Variants in NAALADL2 observed in about 807,000 individuals in gnomAD.
The protein encoded by NAALADL2 is inactive N-acetylated-alpha-linked acidic dipeptidase-like protein 2.
Under a neutral mutation model 87.2 loss-of-function variants are expected in NAALADL2, and 76 were observed. The ratio of observed to expected loss-of-function variants is 0.87; its 90% CI spans 0.72 to 1.05. The LOEUF (loss-of-function observed/expected upper bound fraction) is 1.05. NAALADL2 is among the 50% of genes least tolerant of loss of function. NAALADL2 has a pLI of 0.00. For synonymous variants in NAALADL2, 354 were observed against 331.0 expected, an observed-to-expected ratio of 1.07 and a Z score of -0.75; for missense variants, 1,089 against 945.8, an observed-to-expected ratio of 1.15 and a Z score of -1.99.
At chr3:175,273,737 T>A (rs980841794) in intron 4 of NAALADL2, among the ~76,000 whole-genome samples, 16 of 151,934 alleles carry the variant, frequency 1.1e-4, no homozygotes, top group African/African-American at 3.4e-4. Flanking sequence ...TGTGTGCGTG[T>A]GTGTGTGTGT....
intron 1 of NAALADL2, among the ~76,000 whole-genome samples, chr3:174,445,868 C>G (rs1440962204): frequency 6.6e-6 from 1 of 152,106 alleles, no homozygotes; most frequent in African/African-American, 2.4e-5. Context: ...CTGATCTGCT[C>G]TGACCTGCAT....
At chr3:174,670,345 T>C (rs1726416263) in intron 2 of NAALADL2, among the ~76,000 whole-genome samples, 1 of 152,132 alleles carries the variant, frequency 6.6e-6, no homozygotes, top group African/African-American at 2.4e-5. Context: ...TAATTACCTT[T>C]TTAGCTACAT....
chr3:175,606,545 G>A (rs1723766754), intron 10 of NAALADL2, among the ~76,000 whole-genome samples: 1 of 152,086 alleles, frequency 6.6e-6, no homozygotes, highest in South Asian at 2.1e-4. Context: ...AATATTTGAG[G>A]TGTAATATTG....
At chr3:175,749,013 A>G (rs1447053229) in intron 12 of NAALADL2, among the ~76,000 whole-genome samples, 3 of 151,232 alleles carry the variant, frequency 2.0e-5, no homozygotes, top group South Asian at 2.1e-4. Context: ...AGGCTGAGGT[A>G]GAAGGATCTC....
intron 11 of NAALADL2, among the ~76,000 whole-genome samples, chr3:175,628,603 A>G (rs1261283112): frequency 7.5e-6 from 1 of 132,830 alleles, no homozygotes; most frequent in Non-Finnish European, 1.6e-5. Context: ...CATTAAAATA[A>G]TCTCTCTCTC....
At chr3:174,604,577 G>T (rs1279550714) in intron 2 of NAALADL2, among the ~76,000 whole-genome samples, 2 of 151,824 alleles carry the variant, frequency 1.3e-5, no homozygotes, top group African/African-American at 2.4e-5. Context: ...CAATGTTATT[G>T]TTGATAAGCA....
chr3:175,275,170 A>G (rs567717640), intron 4 of NAALADL2, among the ~76,000 whole-genome samples: 15 of 152,218 alleles, frequency 9.9e-5, no homozygotes, highest in Non-Finnish European at 1.5e-4. Context: ...GGGGGTAGAA[A>G]TAAAATGTGA....
At chr3:175,090,203 C>T (rs1465207236) in intron 1 of NAALADL2, among the ~76,000 whole-genome samples, 1 of 151,930 alleles carries the variant, frequency 6.6e-6, no homozygotes, top group Non-Finnish European at 1.5e-5. Flanking sequence ...TTACACACCC[C>T]TGAGAAAAAG....
chr3:175,572,436 T>A (rs1718226075), intron 9 of NAALADL2, among the ~76,000 whole-genome samples: 1 of 151,204 alleles, frequency 6.6e-6, no homozygotes, highest in Non-Finnish European at 1.5e-5. Flanking sequence ...AGTTTTTATA[T>A]GGCAGAGGCA....
chr3:175,190,927 G>A (rs562765947), intron 2 of NAALADL2, among the ~76,000 whole-genome samples: 6 of 146,708 alleles, frequency 4.1e-5, no homozygotes, highest in Non-Finnish European at 8.9e-5. Context: ...GCAGTGAGCC[G>A]AGATGGAGCC....
rs1261023702 is a variant in NAALADL2 at position 175,234,007 on chromosome 3, G to C, written c.622G>C (p.Gly208Arg). The C allele has an allele frequency of 6.2e-7, 1 of 1,613,112 alleles. No homozygotes were observed. Among genetic ancestry groups the C allele is most frequent in the Non-Finnish European group, 8.5e-7 (1 of 1,179,346 alleles). ...GATTAAGACTCAGTGGACCTCTTTG[G>C]GCCTAGAAGATGTACAGTTTGTAAA... ...KKIKTQWTSL[G>R]LEDVQFVNYS... Residue 208 changes from glycine to arginine, a missense_variant, in exon 3 of 14, where the codon GGC (glycine) becomes CGC (arginine). Coordinates refer to ENST00000454872, the MANE Select transcript of NAALADL2 (RefSeq NM_207015.3).
chr3:174,466,265 A>G (rs1271246815), intron 1 of NAALADL2, among the ~76,000 whole-genome samples: 4 of 151,634 alleles, frequency 2.6e-5, no homozygotes, highest in African/African-American at 9.7e-5. Flanking sequence ...TTCTTAAAAC[A>G]TTATGAGATT....
chr3:174,534,918 A>T (rs1721592434), intron 1 of NAALADL2, among the ~76,000 whole-genome samples: 1 of 152,192 alleles, frequency 6.6e-6, no homozygotes, highest in African/African-American at 2.4e-5. Context: ...TGCACATTAG[A>T]ATCATCTGAG....
At chr3:175,007,546 T>A (rs971559855) in intron 1 of NAALADL2, among the ~76,000 whole-genome samples, 1 of 152,162 alleles carries the variant, frequency 6.6e-6, no homozygotes, top group African/African-American at 2.4e-5. Flanking sequence ...AGATTTAGTA[T>A]GTCTGGAATG....
chr3:175,655,401 AG>A (rs1731318019), intron 11 of NAALADL2: 1 of 289,472 alleles, frequency 3.5e-6, no homozygotes, highest in African/African-American at 2.3e-5. Context: ...TCTCTAAGAA[AG>A]TTTTCCAATA....
rs138934915 is a variant in NAALADL2 at position 174,916,226 on chromosome 3, G to A, written c.43+56776G>A. Among the ~76,000 whole-genome samples the A allele has an allele frequency of 3.4e-3, 524 of 152,220 alleles. 3 individuals carry two copies. The highest frequency in any genetic ancestry group is 0.024 in the South Asian group (118 of 4,828). On this transcript the variant is annotated intron_variant, in intron 1 of 13. Transcript: ENST00000454872. Reference sequence around the variant, plus strand: ...AAAGTCAAAAACAACAGATGTTGGTGTGGATGTGGTGAAAAGGGAACACAT... The same window carrying A: ...AAAGTCAAAAACAACAGATGTTGGTATGGATGTGGTGAAAAGGGAACACAT...
At chr3:175,019,592 T>C (rs1439007037) in intron 1 of NAALADL2, among the ~76,000 whole-genome samples, 1 of 151,972 alleles carries the variant, frequency 6.6e-6, no homozygotes, top group Non-Finnish European at 1.5e-5. Context: ...ACTGACCAAA[T>C]GGTACAAACC....
intron 11 of NAALADL2, among the ~76,000 whole-genome samples, chr3:175,671,958 T>C (rs1188015730): frequency 4.6e-5 from 7 of 152,096 alleles, no homozygotes; most frequent in East Asian, 1.9e-4. Flanking sequence ...AATACAATTA[T>C]GTTGTATTAA....
At position 175,445,564 on chromosome 3, in the gene NAALADL2, G is replaced by C. The variant is rs371821302; in HGVS notation, c.1091-1665G>C. ...TATTGACTTACCACTTTGAGAGATA[G>C]AGACTTAACTTTCACAAGTATTCAT... On this transcript the variant is annotated intron_variant, in intron 5 of 13. Transcript: ENST00000454872. Among the ~76,000 whole-genome samples the C allele has an allele frequency of 4.0e-4, 61 of 152,218 alleles. 1 individual carries two copies. In the South Asian group the frequency reaches 0.012, roughly 30 times the overall value.
Sources: gnomAD v4.1 joint callset for allele counts (sites outside exome capture counted in the v4.1 genomes callset) on GRCh38, gnomAD v4.1.1 for gene constraint, MANE v1.5 for transcripts, NCBI Gene and HGNC (gene_info 2026-07-23, HGNC 2026-07-21) for gene names.